The following PDE6C variants were observed in gnomAD, a reference collection of about 807,000 sequenced individuals.
PDE6C encodes the protein cone cGMP-specific 3',5'-cyclic phosphodiesterase subunit alpha'.
In PDE6C, 75 loss-of-function variants were observed where a neutral mutation model predicts 113.1. The observed-to-expected ratio is 0.66, with a 90% confidence interval of 0.55 to 0.80. The LOEUF (loss-of-function observed/expected upper bound fraction) is 0.80, where lower values mean the gene tolerates loss of function less well. Ranked by LOEUF, PDE6C falls within the 30% of genes least tolerant of loss-of-function variation. The probability of loss-of-function intolerance (pLI) is 0.00; values close to 1 mark genes in which losing one functional copy is unlikely to be tolerated. For missense variants in PDE6C, 912 were observed against 1,038.6 expected (o/e 0.88, Z 1.67); for synonymous variants, 375 against 363.7 (o/e 1.03, Z -0.35).
chr10:93,616,888 G>A (rs117343410), intron 1 of PDE6C, among the ~76,000 whole-genome samples: 8,026 of 152,152 alleles, frequency 0.053, 477 homozygotes, highest in Admixed American at 0.19. Context: ...TTCTGACCTC[G>A]TGATCTGCCC....
In PDE6C at chr10:93,631,981, C is replaced by T. The variant is rs144005962; in HGVS notation, c.1119+2676C>T. 2.3e-3 allele frequency among the ~76,000 whole-genome samples: 353 copies of T among 152,336 alleles called. 2 individuals are homozygous for T. The highest frequency in any genetic ancestry group is 8.1e-3 in the African/African-American group (335 of 41,564). On this transcript the variant is annotated intron_variant, in intron 8 of 21. Transcript: ENST00000371447. ...AATGAGTCTTCTTGGGCTAAAATCA[C>T]GGTGCTGGTGGGACTCTTGCTTTCT... is the stretch of plus-strand genomic sequence containing the variant.
rs1456186858 is a variant in PDE6C at position 93,665,808 on chromosome 10, A to G, written c.*390A>G. 3.7e-6 allele frequency: 1 copy of G among 267,378 alleles called. No individual in the cohort carries two copies. The highest frequency in any genetic ancestry group is 5.2e-5 in the Admixed American group (1 of 19,330). The allele number at this position is 267,378 out of a possible 1,614,324, so 16.6% of individuals were successfully genotyped here. On this transcript the variant is annotated 3_prime_UTR_variant, in exon 22 of 22. Coordinates refer to ENST00000371447, the MANE Select transcript of PDE6C (RefSeq NM_006204.4). ...TCCTGGGGGCTGGAAGTTCAAGATCAAGGAGTTGGCAGGGTTGGTTTCTTG... is the reference window on the plus strand; with the variant it reads ...TCCTGGGGGCTGGAAGTTCAAGATCGAGGAGTTGGCAGGGTTGGTTTCTTG...
intron 8 of PDE6C, among the ~76,000 whole-genome samples, chr10:93,630,973 G>A (rs1317625432): frequency 2.6e-5 from 4 of 152,248 alleles, no homozygotes; most frequent in African/African-American, 9.6e-5. Context: ...CAGCAAAAGG[G>A]CGACAATGAT....
chr10:93,644,437 A>G (rs2058573554), intron 14 of PDE6C, among the ~76,000 whole-genome samples: 4 of 152,262 alleles, frequency 2.6e-5, no homozygotes, highest in African/African-American at 9.6e-5. Flanking sequence ...GCTACATAAT[A>G]GATATACATA....
At chr10:93,652,390 T>C (rs2133873107) in intron 15 of PDE6C, among the ~76,000 whole-genome samples, 1 of 152,292 alleles carries the variant, frequency 6.6e-6, no homozygotes, top group South Asian at 2.1e-4. Context: ...TCTAAAAGAA[T>C]GTAGAATTAA....
intron 14 of PDE6C, among the ~76,000 whole-genome samples, chr10:93,644,788 A>T (rs2058575269): frequency 6.8e-6 from 1 of 146,948 alleles, no homozygotes; most frequent in South Asian, 2.1e-4. Context: ...GTGTATATAT[A>T]TATATATAGT....
At chr10:93,619,234 C>T (rs1053059310) in intron 1 of PDE6C, among the ~76,000 whole-genome samples, 6 of 152,090 alleles carry the variant, frequency 3.9e-5, no homozygotes, top group South Asian at 2.1e-4. Flanking sequence ...AATTATCTCT[C>T]GAATCTACTC....
intron 1 of PDE6C, among the ~76,000 whole-genome samples, chr10:93,615,403 A>G (rs1343720280): frequency 6.6e-6 from 1 of 152,204 alleles, no homozygotes; most frequent in Non-Finnish European, 1.5e-5. Flanking sequence ...TTTATTTTTG[A>G]GACAGTCTTG....
intron 12 of PDE6C, 89 bp downstream of exon 12, chr10:93,640,305 G>A (rs1315843555): frequency 1.0e-5 from 14 of 1,378,764 alleles, no homozygotes; most frequent in Non-Finnish European, 1.4e-5. Flanking sequence ...GACTCAGTTT[G>A]AATTTTAAAT....
intron 21 of PDE6C, among the ~76,000 whole-genome samples, chr10:93,664,351 T>A: frequency 6.6e-6 from 1 of 152,008 alleles, no homozygotes; most frequent in East Asian, 1.9e-4. Flanking sequence ...AGGCTTGGAG[T>A]AGGAATAAGC....
chr10:93,658,796 T>C, intron 16 of PDE6C, 105 bp from the exon 17 acceptor site: 1 of 739,372 alleles, frequency 1.4e-6, no homozygotes, highest in Non-Finnish European at 2.4e-6. Flanking sequence ...TATGTGGACA[T>C]CACAATGCAA....
At chr10:93,655,293 A>T (rs1564804975) in intron 15 of PDE6C, among the ~76,000 whole-genome samples, 3 of 152,130 alleles carry the variant, frequency 2.0e-5, no homozygotes. Context: ...TATGAGTGTA[A>T]TTTGCAATTT....
intron 15 of PDE6C, among the ~76,000 whole-genome samples, chr10:93,652,915 CT>C (rs1323358439): frequency 2.0e-5 from 3 of 152,154 alleles, no homozygotes; most frequent in Non-Finnish European, 4.4e-5. Flanking sequence ...GTCTGATTTG[CT>C]TCTTTAAATG....
chr10:93,647,208 A>G (rs1589701926), intron 15 of PDE6C, among the ~76,000 whole-genome samples: 1 of 152,134 alleles, frequency 6.6e-6, no homozygotes, highest in African/African-American at 2.4e-5. Flanking sequence ...CATTAGATTG[A>G]GGGGAGCACT....
intron 1 of PDE6C, among the ~76,000 whole-genome samples, chr10:93,620,084 G>A (rs78382982): frequency 0.027 from 4,090 of 152,170 alleles, 72 homozygotes; most frequent in Middle Eastern, 0.044. Context: ...GTTCAAGCAT[G>A]GAGAAAGGCA....
intron 4 of PDE6C, among the ~76,000 whole-genome samples, chr10:93,622,639 G>GTTTTTTTTTGTTTTTTTTTTTTT (rs2058452335): frequency 8.8e-6 from 1 of 113,992 alleles, no homozygotes; most frequent in African/African-American, 3.7e-5. Context: ...GTAGCCACAG[G>GTTTTTTTTTGTTTTTTTTTTTTT]TTTTTTTTTT....
intron 18 of PDE6C, among the ~76,000 whole-genome samples, chr10:93,659,612 G>C (rs2058656722): frequency 6.6e-6 from 1 of 152,204 alleles, no homozygotes; most frequent in Non-Finnish European, 1.5e-5. Context: ...GCAGGCAAGA[G>C]AGAGCGTGTG....
rs117598104 is a variant in PDE6C at position 93,624,779 on chromosome 10, T to C, written c.865-796T>C. Among the ~76,000 whole-genome samples the C allele has an allele frequency of 5.7e-3, 861 of 152,324 alleles. 8 individuals are homozygous for C. Among genetic ancestry groups the C allele is most frequent in the Non-Finnish European group, 9.3e-3 (633 of 68,030 alleles). ...TAACAAGGTAGGGCAGCGCTAGTAC[T>C]GGTTGATTCAGAGATCAGTGCAGTC... On this transcript the variant is annotated intron_variant, in intron 4 of 21. Transcript: ENST00000371447.
At chr10:93,649,639 C>T (rs4454655) in intron 15 of PDE6C, among the ~76,000 whole-genome samples, 70,532 of 151,984 alleles carry the variant, frequency 0.46, 17,335 homozygotes, top group Non-Finnish European at 0.54. Context: ...GAGTCTCATC[C>T]TGTTGCCCAG....
Sources: gnomAD v4.1 joint callset for allele counts (sites outside exome capture counted in the v4.1 genomes callset) on GRCh38, gnomAD v4.1.1 for gene constraint, MANE v1.5 for transcripts, NCBI Gene and HGNC (gene_info 2026-07-23, HGNC 2026-07-21) for gene names.